Variants in TET3 observed in about 807,000 individuals in gnomAD.
TET3 encodes the protein methylcytosine dioxygenase TET3.
TET3 carries 19 observed loss-of-function variants against 141.4 expected under a neutral mutation model. The ratio of observed to expected loss-of-function variants is 0.13; its 90% CI spans 0.09 to 0.20. The LOEUF (loss-of-function observed/expected upper bound fraction) is 0.20. TET3 is among the 10% of genes least tolerant of loss of function. The probability of loss-of-function intolerance (pLI) is 1.00; values close to 1 mark genes in which losing one functional copy is unlikely to be tolerated. For synonymous variants in TET3, 1,043 were observed against 980.9 expected, an observed-to-expected ratio of 1.06 and a Z score of -1.18; for missense variants, 1,874 against 2,356.9, an observed-to-expected ratio of 0.80 and a Z score of 4.24.
chr2:74,042,738 G>A (rs79834788), intron 3 of TET3, among the ~76,000 whole-genome samples: 1,843 of 152,334 alleles, frequency 0.012, 20 homozygotes, highest in Non-Finnish European at 0.02. Context: ...GAGTTGGGAA[G>A]GACGCTTCTC....
chr2:74,102,218 A>G lies in TET3; in HGVS notation c.*42A>G, dbSNP rs557206644. On this transcript the variant is annotated 3_prime_UTR_variant, in exon 12 of 12. Coordinates refer to ENST00000409262, the MANE Select transcript of TET3 (RefSeq NM_001287491.2). ...GTACCTCAGCGTCGGGCCTGGCCCG[A>G]GCTGTCTCTGTGGTGCTTTTGCCCT... 2 of 1,404,996 alleles carry G rather than the reference A, an allele frequency of 1.4e-6. No homozygotes were observed. Among genetic ancestry groups the G allele is most frequent in the Non-Finnish European group, 9.3e-7 (1 of 1,077,514 alleles). The allele number at this position is 1,404,996 out of a possible 1,614,324, so 87.0% of individuals were successfully genotyped here.
chr2:74,104,027 C>T lies in TET3; in HGVS notation c.*1851C>T, dbSNP rs1691372258. On this transcript the variant is annotated 3_prime_UTR_variant, in exon 12 of 12. Transcript: ENST00000409262. ...GGTGTTTACTGTATCTGTTTGGAAGCACTGGCGGAGGGTCGTTGTAAGATG... is the reference window on the plus strand; with the variant it reads ...GGTGTTTACTGTATCTGTTTGGAAGTACTGGCGGAGGGTCGTTGTAAGATG... 1 of 153,666 alleles carries T rather than the reference C, an allele frequency of 6.5e-6. No individual in the cohort carries two copies. Among genetic ancestry groups the T allele is most frequent in the Non-Finnish European group, 1.5e-5 (1 of 68,058 alleles). The allele number at this position is 153,666 out of a possible 1,614,324, so 9.5% of individuals were successfully genotyped here.
chr2:74,010,663 A>C (rs558932906), intron 3 of TET3, among the ~76,000 whole-genome samples: 9 of 152,256 alleles, frequency 5.9e-5, no homozygotes, highest in Non-Finnish European at 1.0e-4. Flanking sequence ...GGTAATTTGA[A>C]TGTGCAGTCA....
At chr2:74,016,270 T>C (rs960935118) in intron 3 of TET3, among the ~76,000 whole-genome samples, 5 of 150,572 alleles carry the variant, frequency 3.3e-5, no homozygotes, top group African/African-American at 1.2e-4. Flanking sequence ...GCCACTGCAC[T>C]CCAGCCTGGG....
At chr2:74,126,827 G>A in the TET3 span, among the ~76,000 whole-genome samples, 3 of 152,110 alleles carry the variant, frequency 2.0e-5, no homozygotes, top group African/African-American at 7.2e-5. Flanking sequence ...AGCAGTAAAT[G>A]TAAACGCTAA....
intron 7 of TET3, among the ~76,000 whole-genome samples, chr2:74,089,382 T>C (rs1440141493): frequency 6.6e-6 from 1 of 151,984 alleles, no homozygotes; most frequent in Non-Finnish European, 1.5e-5. Flanking sequence ...GGATCTATCA[T>C]AGTTTGCTTA....
At chr2:74,116,619 A>C in the TET3 span, among the ~76,000 whole-genome samples, 1 of 146,988 alleles carries the variant, frequency 6.8e-6, no homozygotes, top group African/African-American at 2.5e-5. Context: ...CAGGAGGTGG[A>C]GGTTGCAGTG....
chr2:74,133,988 C>A, the TET3 span, among the ~76,000 whole-genome samples: 7 of 152,218 alleles, frequency 4.6e-5, no homozygotes, highest in South Asian at 8.3e-4. Flanking sequence ...TGTGATCCCC[C>A]CCCCTCGGCC....
At position 73,984,923 on chromosome 2, in the gene TET3, G is replaced by T. The variant is rs1388326714; in HGVS notation, c.-659G>T. Among the ~76,000 whole-genome samples the T allele has an allele frequency of 6.8e-6, 1 of 147,026 alleles. No homozygotes were observed. Among genetic ancestry groups the T allele is most frequent in the East Asian group, 2.0e-4 (1 of 4,996 alleles). ...GCGGGGGGCGGGGAGTCCCGCGGAC[G>T]CCTTCATTGCTGCTGCTGCTGCCGC... is the stretch of plus-strand genomic sequence containing the variant. On this transcript the variant is annotated 5_prime_UTR_variant, in exon 1 of 12. Coordinates refer to ENST00000409262, the MANE Select transcript of TET3 (RefSeq NM_001287491.2). The surrounding 1 kb of genome is among the most constrained non-coding windows in gnomAD (Gnocchi z 5.6).
Position 73,986,348 on chromosome 2 carries a change from G to A in TET3, c.-56G>A. On this transcript the variant is annotated 5_prime_UTR_variant, in exon 2 of 12. Coordinates refer to ENST00000409262, the MANE Select transcript of TET3 (RefSeq NM_001287491.2). ...GACCTGTTGGTGGCCTTTGGAGGTG[G>A]CAGGAAACGACTGTGGTTCTGCCCC... 9 of 1,228,352 alleles carry A rather than the reference G, an allele frequency of 7.3e-6. No homozygotes were observed. The highest frequency in any genetic ancestry group is 9.1e-6 in the Non-Finnish European group (9 of 984,798). 76.1% of individuals were successfully genotyped at this position (1,228,352 alleles called of 1,614,324 possible). A position where few individuals can be genotyped will look rare whatever the true frequency, so the allele number is the denominator to read the frequency against.
chr2:74,026,152 C>G (rs553976304), intron 3 of TET3, among the ~76,000 whole-genome samples: 1 of 142,904 alleles, frequency 7.0e-6, no homozygotes, highest in African/African-American at 2.5e-5. Flanking sequence ...CCCCACCCTA[C>G]CCCACCCATT....
rs1028455491 is a variant in TET3, at chr2:74,102,559, GAGT to G, written c.*387_*389del. 7 of 157,064 alleles carry G rather than the reference GAGT, an allele frequency of 4.5e-5. No homozygotes were observed. The highest frequency in any genetic ancestry group is 1.7e-4 in the African/African-American group (7 of 41,750). 9.7% of individuals were successfully genotyped at this position (157,064 alleles called of 1,614,324 possible). ...AAGTTTATAGTATCCTTTCACAAAGGAGTAGTTTTAAATTCCATTTAAAATGTG... is the reference window on the plus strand; with the variant it reads ...AAGTTTATAGTATCCTTTCACAAAGGAGTTTTAAATTCCATTTAAAATGTG... On this transcript the variant is annotated 3_prime_UTR_variant, in exon 12 of 12. Coordinates refer to ENST00000409262, the MANE Select transcript of TET3 (RefSeq NM_001287491.2).
rs1288539457 is a variant in TET3, at chr2:74,100,508, C to T, written c.3720C>T (p.Tyr1240=). ...KYSGNAVVES[Y]SVLGNCRPSD... Reference sequence around the variant, plus strand: ...GCGGCAACGCGGTGGTGGAGAGCTACTCGGTGCTGGGCAACTGCCGGCCCT... The same window carrying T: ...GCGGCAACGCGGTGGTGGAGAGCTATTCGGTGCTGGGCAACTGCCGGCCCT... Residue 1240 remains tyrosine, a synonymous_variant, in exon 12 of 12, where the codon TAC becomes TAT. Coordinates refer to ENST00000409262, the MANE Select transcript of TET3 (RefSeq NM_001287491.2). 6.2e-7 allele frequency: 1 copy of T among 1,606,728 alleles called. No homozygotes were observed.
chr2:74,129,892 G>A, the TET3 span, among the ~76,000 whole-genome samples: 12 of 151,944 alleles, frequency 7.9e-5, no homozygotes, highest in African/African-American at 2.4e-4. Context: ...TCAGGAGTTC[G>A]AGACCAGCCT....
At chr2:74,123,347 G>C in the TET3 span, 1 of 152,388 alleles carries the variant, frequency 6.6e-6, no homozygotes, top group South Asian at 2.1e-4. Context: ...GGCCACACGC[G>C]CTGGCTCACG....
rs549167773 is a variant in TET3, at chr2:74,104,407, A to T, written c.*2231A>T. On this transcript the variant is annotated 3_prime_UTR_variant, in exon 12 of 12. Transcript: ENST00000409262. Reference sequence around the variant, plus strand: ...AAGCAGAGTCTTTAATGAGCATGCTAATTTTCTAGTTTTGAGGAAAAATTG... The same window carrying T: ...AAGCAGAGTCTTTAATGAGCATGCTTATTTTCTAGTTTTGAGGAAAAATTG... The T allele has an allele frequency of 3.3e-5, 5 of 152,326 alleles. No homozygotes were observed. The East Asian group carries it at 9.6e-4, about 29-fold the overall frequency. The allele number at this position is 152,326 out of a possible 1,614,324, so 9.4% of individuals were successfully genotyped here. A position where few individuals can be genotyped will look rare whatever the true frequency, so the allele number is the denominator to read the frequency against.
chr2:74,095,455 A>T (rs1181558284), intron 10 of TET3, among the ~76,000 whole-genome samples: 1 of 152,242 alleles, frequency 6.6e-6, no homozygotes, highest in African/African-American at 2.4e-5. Flanking sequence ...TTCTTCCAAA[A>T]TGAAAAGTAT....
Position 74,048,338 on chromosome 2 carries a change from C to T in TET3, c.2421C>T (p.Asp807=). The T allele has an allele frequency of 6.2e-7, 1 of 1,613,900 alleles. No individual in the cohort carries two copies. Among genetic ancestry groups the T allele is most frequent in the South Asian group, 1.1e-5 (1 of 91,060 alleles). ...TGGAGTCACCTCTTAAGTACCTGGA[C>T]ACACCCACCAAGAGTCTGCTGGACA... The part of the protein sequence containing the change: ...GFLESPLKYL[D]TPTKSLLDTP... The change falls in exon 4 of 12, where the codon GAC becomes GAT. Residue 807 remains aspartate, a synonymous_variant. Transcript: ENST00000409262.
intron 3 of TET3, among the ~76,000 whole-genome samples, chr2:74,025,508 C>T (rs1207729025): frequency 1.3e-5 from 2 of 151,904 alleles, no homozygotes; most frequent in Non-Finnish European, 2.9e-5. Flanking sequence ...AGGATGGTCT[C>T]GATCTCCTGA....
Sources: allele counts gnomAD v4.1 joint callset (sites outside exome capture counted in the v4.1 genomes callset), GRCh38; gene constraint gnomAD v4.1.1; non-coding constraint Gnocchi (gnomAD v3.1); transcripts MANE v1.5; gene names NCBI Gene and HGNC (gene_info 2026-07-23, HGNC 2026-07-21).